Variants in PIEZO2 observed in about 807,000 individuals in gnomAD.
PIEZO2 encodes the protein piezo type mechanosensitive ion channel component 2, also known as piezo-type mechanosensitive ion channel component 2.
In PIEZO2, 172 loss-of-function variants were observed where a neutral mutation model predicts 337.3. The observed-to-expected ratio is 0.51, with a 90% confidence interval of 0.45 to 0.58. PIEZO2 has a LOEUF of 0.58. Among genes scored for constraint, PIEZO2 ranks in the 20% least tolerant of loss-of-function variants. The pLI is 0.00. For missense variants in PIEZO2, 3,028 were observed against 3,391.3 expected (o/e 0.89, Z 2.66); for synonymous variants, 1,251 against 1,228.5 (o/e 1.02, Z -0.38).
At chr18:11,141,773 T>G (rs558832781) in intron 1 of PIEZO2, among the ~76,000 whole-genome samples, 1 of 152,194 alleles carries the variant, frequency 6.6e-6, no homozygotes, top group South Asian at 2.1e-4. Flanking sequence ...GGTGGAGAGT[T>G]CAGAGTTGGC....
rs1356327878 is a variant in PIEZO2 at position 11,149,528 on chromosome 18, C to A, written c.-940G>T. ...GCCTTGCAGCCTCGCCCTCGCGGCG[C>A]AGCCGGGGCTCCCCGGCGGCGCGCG... On this transcript the variant is annotated 5_prime_UTR_variant, in exon 1 of 56. Coordinates refer to ENST00000674853, the MANE Select transcript of PIEZO2 (RefSeq NM_001378183.1). This position sits in a 1 kb window ranked among gnomAD's most constrained non-coding sequence, Gnocchi z 8.7. Among the ~76,000 whole-genome samples the A allele has an allele frequency of 1.3e-5, 2 of 151,860 alleles. No homozygotes were observed. The highest frequency in any genetic ancestry group is 2.9e-5 in the Non-Finnish European group (2 of 67,912).
At chr18:10,823,402 C>T (rs529730777) in intron 7 of PIEZO2, among the ~76,000 whole-genome samples, 11 of 152,228 alleles carry the variant, frequency 7.2e-5, no homozygotes, top group East Asian at 1.9e-4. Flanking sequence ...CACTCAACAA[C>T]GGGAGTATTT....
In PIEZO2 at chr18:11,125,281, G is replaced by A. The variant is rs776479011; in HGVS notation, c.64+23244C>T. 2.0e-5 allele frequency among the ~76,000 whole-genome samples: 3 copies of A among 152,152 alleles called. No homozygotes were observed. Among genetic ancestry groups the A allele is most frequent in the South Asian group, 2.1e-4 (1 of 4,824 alleles). On this transcript the variant is annotated intron_variant, in intron 1 of 55. Coordinates refer to ENST00000674853, the MANE Select transcript of PIEZO2 (RefSeq NM_001378183.1). The surrounding 1 kb of genome is among the most constrained non-coding windows in gnomAD (Gnocchi z 4.4). ...TGAGCTGATAATTCAAAAAGTATGC[G>A]AATATGTTTTAAAAACTACGATGTG...
chr18:10,909,938 A>G (rs2030309819), intron 4 of PIEZO2, among the ~76,000 whole-genome samples: 1 of 152,224 alleles, frequency 6.6e-6, no homozygotes, highest in Non-Finnish European at 1.5e-5. Flanking sequence ...TTGGTAGGGA[A>G]ATAAATCATC....
At chr18:11,010,980 C>T (rs530186569) in intron 2 of PIEZO2, among the ~76,000 whole-genome samples, 4 of 152,270 alleles carry the variant, frequency 2.6e-5, no homozygotes, top group East Asian at 1.9e-4. Flanking sequence ...TGTGTTCATG[C>T]GACATCAGTT....
chr18:10,702,874 G>T (rs2035403172), intron 42 of PIEZO2, among the ~76,000 whole-genome samples: 1 of 152,130 alleles, frequency 6.6e-6, no homozygotes, highest in Non-Finnish European at 1.5e-5. Flanking sequence ...TATTTTTTTA[G>T]AGATGAGGTC....
intron 47 of PIEZO2, among the ~76,000 whole-genome samples, chr18:10,695,439 T>A (rs2035037725): frequency 1.3e-5 from 2 of 152,196 alleles, no homozygotes; most frequent in African/African-American, 4.8e-5. Flanking sequence ...ACCAGCCCTT[T>A]CCTGACAGCT....
In PIEZO2 at chr18:10,846,642, T is replaced by C. The variant is rs2041373926; in HGVS notation, c.917+8711A>G. On this transcript the variant is annotated intron_variant, in intron 7 of 55. Coordinates refer to ENST00000674853, the MANE Select transcript of PIEZO2 (RefSeq NM_001378183.1). This position sits in a 1 kb window ranked among gnomAD's most constrained non-coding sequence, Gnocchi z 4.1. The stretch of plus-strand genomic sequence containing the variant: ...GTCAGACATATGCATGAAGGGATTA[T>C]TATGGCCCAATGCAGCTGGTGTTAT... 6.6e-6 allele frequency among the ~76,000 whole-genome samples: 1 copy of C among 152,130 alleles called. No individual in the cohort carries two copies. Among genetic ancestry groups the C allele is most frequent in the African/African-American group, 2.4e-5 (1 of 41,424 alleles).
chr18:10,815,204 A>G lies in PIEZO2; in HGVS notation c.918-7930T>C, dbSNP rs2040326062. Among the ~76,000 whole-genome samples the G allele has an allele frequency of 6.6e-6, 1 of 152,218 alleles. No individual in the cohort carries two copies. The highest frequency in any genetic ancestry group is 1.5e-5 in the Non-Finnish European group (1 of 68,040). ...AAAACAATGAAAATTCAAGTGGCAC[A>G]TATTCTACTTAGTATTTTAAAGCAC... is the stretch of plus-strand genomic sequence containing the variant. On this transcript the variant is annotated intron_variant, in intron 7 of 55. Transcript: ENST00000674853. The surrounding 1 kb of genome is among the most constrained non-coding windows in gnomAD (Gnocchi z 4.1).
rs2041657330 is a variant in PIEZO2, at chr18:10,854,863, G to A, written c.917+490C>T. Among the ~76,000 whole-genome samples the A allele has an allele frequency of 6.6e-6, 1 of 152,122 alleles. No homozygotes were observed. The highest frequency in any genetic ancestry group is 6.5e-5 in the Admixed American group (1 of 15,276). On this transcript the variant is annotated intron_variant, in intron 7 of 55. Coordinates refer to ENST00000674853, the MANE Select transcript of PIEZO2 (RefSeq NM_001378183.1). The surrounding 1 kb of genome is among the most constrained non-coding windows in gnomAD (Gnocchi z 4.6). ...TGAGTAGCTGGGACCACAGGTGTGC[G>A]CCCTCATGCCCAGCTAATTTTTTTT...
Position 10,727,713 on chromosome 18 carries a change from C to T in PIEZO2, c.5029+3694G>A, listed in dbSNP as rs1160872289. The T allele has an allele frequency of 2.0e-5, 3 of 152,878 alleles. No individual in the cohort carries two copies. The highest frequency in any genetic ancestry group is 7.2e-5 in the African/African-American group (3 of 41,452). The allele number at this position is 152,878 out of a possible 1,614,324, so 9.5% of individuals were successfully genotyped here. A position where few individuals can be genotyped will look rare whatever the true frequency, so the allele number is the denominator to read the frequency against. On this transcript the variant is annotated intron_variant, in intron 36 of 55. Transcript: ENST00000674853. This position sits in a 1 kb window ranked among gnomAD's most constrained non-coding sequence, Gnocchi z 6.3. ...TCCCTTGGCCCTGTCCCCACTCCCTCCACTGGCCTCTGCTTTTCCTGTCTT... is the reference window on the plus strand; with the variant it reads ...TCCCTTGGCCCTGTCCCCACTCCCTTCACTGGCCTCTGCTTTTCCTGTCTT...
rs1260244285 is a variant in PIEZO2 at position 11,028,098 on chromosome 18, TC to T, written c.160+38028del. 6.6e-6 allele frequency among the ~76,000 whole-genome samples: 1 copy of T among 152,202 alleles called. No individual in the cohort carries two copies. The highest frequency in any genetic ancestry group is 2.4e-5 in the African/African-American group (1 of 41,458). On this transcript the variant is annotated intron_variant, in intron 2 of 55. Transcript: ENST00000674853. This position sits in a 1 kb window ranked among gnomAD's most constrained non-coding sequence, Gnocchi z 4.8. ...GCTGCTTCTGTTGCTAGATCTCAGT[TC>T]TCACTTTCTGATTTACATGGTGTGG...
Position 10,745,383 on chromosome 18 carries a change from A to T in PIEZO2, c.4425-1152T>A, listed in dbSNP as rs148524608. 6.8e-3 allele frequency among the ~76,000 whole-genome samples: 1,038 copies of T among 152,264 alleles called. 15 individuals carry two copies. The highest frequency in any genetic ancestry group is 0.024 in the African/African-American group (988 of 41,538). Reference sequence around the variant, plus strand: ...CGAAAAAGAAAACCGACACACGACCACATCCCACATTTTCCTATGTAGGTA... The same window carrying T: ...CGAAAAAGAAAACCGACACACGACCTCATCCCACATTTTCCTATGTAGGTA... On this transcript the variant is annotated intron_variant, in intron 30 of 55. Coordinates refer to ENST00000674853, the MANE Select transcript of PIEZO2 (RefSeq NM_001378183.1).
intron 1 of PIEZO2, among the ~76,000 whole-genome samples, chr18:11,123,624 C>T (rs552997806): frequency 5.7e-4 from 87 of 152,058 alleles, no homozygotes; most frequent in Admixed American, 1.8e-3. Flanking sequence ...CTGGCTAACA[C>T]GATGAAACCC....
chr18:10,700,416 A>C (rs2035281919), intron 43 of PIEZO2, among the ~76,000 whole-genome samples: 1 of 151,822 alleles, frequency 6.6e-6, no homozygotes, highest in Admixed American at 6.6e-5. Flanking sequence ...ATTTTTATAT[A>C]TTTAATTAAA....
intron 18 of PIEZO2, among the ~76,000 whole-genome samples, chr18:10,776,080 C>T (rs1287619518): frequency 1.3e-5 from 2 of 152,164 alleles, no homozygotes; most frequent in African/African-American, 4.8e-5. Flanking sequence ...TATACTGTTT[C>T]AAAAAGACAC....
chr18:10,851,140 CT>C (rs1354483549), intron 7 of PIEZO2, among the ~76,000 whole-genome samples: 15 of 139,798 alleles, frequency 1.1e-4, no homozygotes, highest in African/African-American at 4.1e-4. Flanking sequence ...CTTTTCTTTT[CT>C]TTTTTTCTTT....
intron 3 of PIEZO2, among the ~76,000 whole-genome samples, chr18:10,970,237 C>T (rs908105633): frequency 6.6e-6 from 1 of 152,148 alleles, no homozygotes; most frequent in Non-Finnish European, 1.5e-5. Flanking sequence ...TACGTAAGGA[C>T]ATTCTTCCAG....
intron 48 of PIEZO2, 102 bp from the exon 49 acceptor site, chr18:10,689,904 A>T (rs996136525): frequency 5.2e-5 from 71 of 1,368,812 alleles, no homozygotes; most frequent in Non-Finnish European, 6.7e-5. Flanking sequence ...TAACCTCATG[A>T]CTCAGAAACA....
Sources: gnomAD v4.1 joint callset for allele counts (sites outside exome capture counted in the v4.1 genomes callset) on GRCh38, gnomAD v4.1.1 for gene constraint, Gnocchi (gnomAD v3.1) non-coding constraint, MANE v1.5 for transcripts, NCBI Gene and HGNC (gene_info 2026-07-23, HGNC 2026-07-21) for gene names.